Variants in CPNE3 observed in about 807,000 individuals in gnomAD.
CPNE3 encodes copine-3.
In CPNE3, 68 loss-of-function variants were observed where a neutral mutation model predicts 63.9. The ratio of observed to expected loss-of-function variants is 1.06; its 90% confidence interval spans 0.87 to 1.30. The LOEUF is 1.30. Ranked by LOEUF, CPNE3 falls within the 50% of genes most tolerant of loss-of-function variation. The pLI, the probability that CPNE3 is intolerant of heterozygous loss-of-function variation, is 0.00. For missense variants in CPNE3, 665 were observed against 578.1 expected (o/e 1.15, Z -1.54); for synonymous variants, 219 against 197.5 (o/e 1.11, Z -0.91).
intron 2 of CPNE3, among the ~76,000 whole-genome samples, chr8:86,522,843 G>A (rs529864845): frequency 6.6e-6 from 1 of 152,198 alleles, no homozygotes; most frequent in African/African-American, 2.4e-5. Flanking sequence ...AAAGGGATTT[G>A]TAGATAGGCA....
At chr8:86,516,465 C>G (rs1338648099) in intron 2 of CPNE3, among the ~76,000 whole-genome samples, 4 of 152,188 alleles carry the variant, frequency 2.6e-5, no homozygotes, top group Non-Finnish European at 5.9e-5. Context: ...ATGATGGTAT[C>G]ACTGCTGCCC....
intron 15 of CPNE3, among the ~76,000 whole-genome samples, chr8:86,555,255 C>A (rs2131503739): frequency 6.6e-6 from 1 of 151,618 alleles, no homozygotes; most frequent in East Asian, 1.9e-4. Flanking sequence ...AAATGCCTAT[C>A]ATCTACCTTT....
At chr8:86,541,313 G>T (rs1820932008) in intron 8 of CPNE3, among the ~76,000 whole-genome samples, 1 of 152,114 alleles carries the variant, frequency 6.6e-6, no homozygotes, top group South Asian at 2.1e-4. Context: ...TTTTATAATA[G>T]AGTTAAGAAT....
rs202033475 is a variant in CPNE3, at chr8:86,558,339, G to T, written c.1543G>T (p.Val515Leu). 1 of 872,940 alleles carries T rather than the reference G, an allele frequency of 1.1e-6. No individual in the cohort carries two copies. Among genetic ancestry groups the T allele is most frequent in the East Asian group, 2.4e-5 (1 of 41,698 alleles). 54.1% of individuals were successfully genotyped at this position (872,940 alleles called of 1,614,324 possible). A position where few individuals can be genotyped will look rare whatever the true frequency, so the allele number is the denominator to read the frequency against. Residue 515 changes from valine (V) to leucine (L), a missense_variant, in exon 17 of 17, where the codon GTG becomes TTG. Coordinates refer to ENST00000517490, the MANE Select transcript of CPNE3 (RefSeq NM_003909.5). ...QCVLAEIPQQ[V>L]VGYFNTYKLL... ...TGTCTTGGCAGAGATTCCCCAGCAG[G>T]TGGTGGGCTACTTCAATACATACAA...
At chr8:86,549,861 A>G (rs1205239589) in intron 12 of CPNE3, among the ~76,000 whole-genome samples, 1 of 152,156 alleles carries the variant, frequency 6.6e-6, no homozygotes, top group Non-Finnish European at 1.5e-5. Context: ...GTGGCTGGCA[A>G]ATCACTTCTA....
At chr8:86,529,904 T>C (rs978211735) in intron 4 of CPNE3, among the ~76,000 whole-genome samples, 3 of 152,158 alleles carry the variant, frequency 2.0e-5, no homozygotes, top group Non-Finnish European at 4.4e-5. Context: ...TATGGTATTT[T>C]CTGTATCTCA....
Position 86,555,126 on chromosome 8 carries a change from T to A in CPNE3, c.1254+142T>A, listed in dbSNP as rs1414276817. The A allele has an allele frequency of 1.3e-5, 16 of 1,212,890 alleles. No homozygotes were observed. The African/African-American group carries it at 2.4e-4, about 18-fold the overall frequency. The allele number at this position is 1,212,890 out of a possible 1,614,324, so 75.1% of individuals were successfully genotyped here. A position where few individuals can be genotyped will look rare whatever the true frequency, so the allele number is the denominator to read the frequency against. Reference sequence around the variant, plus strand: ...AGTCATTCTTGGTTTGGGAGTAACTTTTGTTGTTGTTATACTAGTGATCGT... The same window carrying A: ...AGTCATTCTTGGTTTGGGAGTAACTATTGTTGTTGTTATACTAGTGATCGT... On this transcript the variant is annotated intron_variant, in intron 15 of 16. Transcript: ENST00000517490.
chr8:86,524,297 G>A (rs1268390501), intron 2 of CPNE3, among the ~76,000 whole-genome samples: 1 of 152,130 alleles, frequency 6.6e-6, no homozygotes, highest in Non-Finnish European at 1.5e-5. Context: ...ATGACCAGAT[G>A]CCTTAAATTT....
intron 2 of CPNE3, chr8:86,524,701 T>TTTTTA (rs1820503083): frequency 6.7e-6 from 1 of 149,074 alleles, no homozygotes; most frequent in African/African-American, 2.5e-5. Context: ...TTTTTTTTTT[T>TTTTTA]GCGACAGGGT....
intron 7 of CPNE3, among the ~76,000 whole-genome samples, chr8:86,539,084 CTT>C (rs1820870203): frequency 6.6e-6 from 1 of 151,838 alleles, no homozygotes; most frequent in Non-Finnish European, 1.5e-5. Flanking sequence ...TCATCTCTCT[CTT>C]TCTCTGCTTT....
At chr8:86,541,591 C>T (rs1490180797) in intron 8 of CPNE3, among the ~76,000 whole-genome samples, 2 of 151,464 alleles carry the variant, frequency 1.3e-5, no homozygotes, top group Non-Finnish European at 2.9e-5. Context: ...GTGTTCCCAG[C>T]TACTTGGGAG....
At chr8:86,520,038 G>A (rs1400139440) in intron 2 of CPNE3, among the ~76,000 whole-genome samples, 1 of 151,820 alleles carries the variant, frequency 6.6e-6, no homozygotes, top group Non-Finnish European at 1.5e-5. Context: ...TGATAGAGAT[G>A]GAGACTGAGT....
At chr8:86,544,084 G>A (rs1563695527) in intron 8 of CPNE3, among the ~76,000 whole-genome samples, 1 of 152,004 alleles carries the variant, frequency 6.6e-6, no homozygotes, top group Non-Finnish European at 1.5e-5. Flanking sequence ...AACTCACCCT[G>A]TCTCACATGG....
chr8:86,545,136 T>C (rs1821020442), intron 9 of CPNE3: 1 of 180,078 alleles, frequency 5.6e-6, no homozygotes, highest in South Asian at 1.8e-4. Flanking sequence ...TTTTGCCTAT[T>C]GTATCATCGT....
intron 10 of CPNE3, 158 bp from the exon 11 acceptor site, chr8:86,547,553 T>C (rs1821079235): frequency 5.3e-6 from 3 of 569,884 alleles, no homozygotes; most frequent in Non-Finnish European, 9.3e-6. Context: ...TCATGGCACA[T>C]AGGGGAAGGG....
Position 86,561,344 on chromosome 8 carries a change from AAT to A in CPNE3, c.*2939_*2940del, listed in dbSNP as rs1333825916. The A allele has an allele frequency of 6.6e-6, 1 of 152,220 alleles. No homozygotes were observed. Among genetic ancestry groups the A allele is most frequent in the Admixed American group, 6.5e-5 (1 of 15,284 alleles). 9.4% of individuals were successfully genotyped at this position (152,220 alleles called of 1,614,324 possible). Reference sequence around the variant, plus strand: ...CTTGACAATACATGTGTAAGTTACTAATATATGAATTGATGCTAAATATATCT... The same window carrying A: ...CTTGACAATACATGTGTAAGTTACTAATATGAATTGATGCTAAATATATCT... On this transcript the variant is annotated 3_prime_UTR_variant, in exon 17 of 17. Transcript: ENST00000517490.
rs1821167832 is a variant in CPNE3, at chr8:86,551,188, A to C, written c.1074A>C (p.Ser358=). The stretch of plus-strand genomic sequence containing the variant: ...CCTTTGTCCATCTTTGACAGGTATC[A>C]CATGAATTTCCAATGAACTTCAACC... ...GAQIPPQWQV[S]HEFPMNFNPS... is the part of the protein sequence containing the mutation. The change falls in exon 14 of 17, where the codon TCA becomes TCC. Residue 358 remains serine, a synonymous_variant. Coordinates refer to ENST00000517490, the MANE Select transcript of CPNE3 (RefSeq NM_003909.5). 1.2e-6 allele frequency: 2 copies of C among 1,613,060 alleles called. No homozygotes were observed. The highest frequency in any genetic ancestry group is 1.7e-6 in the Non-Finnish European group (2 of 1,179,120).
intron 12 of CPNE3, 119 bp from the exon 13 acceptor site, chr8:86,550,927 A>C: frequency 1.0e-6 from 1 of 975,506 alleles, no homozygotes; most frequent in Admixed American, 3.1e-5. Context: ...TAATATAGGT[A>C]ATCTTTGTTT....
In CPNE3 at chr8:86,561,018, G is replaced by T. The variant is rs867563224; in HGVS notation, c.*2608G>T. The T allele has an allele frequency of 3.0e-4, 46 of 152,290 alleles. No individual in the cohort carries two copies. Among genetic ancestry groups the T allele is most frequent in the African/African-American group, 1.1e-3 (46 of 41,568 alleles). 9.4% of individuals were successfully genotyped at this position (152,290 alleles called of 1,614,324 possible). ...GCTAATCTAGTCACCTAACCTTGTGGTTAGAATTGCAATTTTAAGACCAGA... is the reference window on the plus strand; with the variant it reads ...GCTAATCTAGTCACCTAACCTTGTGTTTAGAATTGCAATTTTAAGACCAGA... On this transcript the variant is annotated 3_prime_UTR_variant, in exon 17 of 17. Coordinates refer to ENST00000517490, the MANE Select transcript of CPNE3 (RefSeq NM_003909.5).
Sources: gnomAD v4.1 joint callset for allele counts (sites outside exome capture counted in the v4.1 genomes callset) on GRCh38, gnomAD v4.1.1 for gene constraint, MANE v1.5 for transcripts, NCBI Gene and HGNC (gene_info 2026-07-23, HGNC 2026-07-21) for gene names.